The following COBL variants were observed in gnomAD, a reference collection of about 807,000 sequenced individuals.
COBL encodes cordon-bleu WH2 repeat protein, also known as protein cordon-bleu.
COBL carries 51 observed loss-of-function variants against 98.8 expected under a neutral mutation model. The ratio of observed to expected loss-of-function variants is 0.52; its 90% CI spans 0.41 to 0.65. COBL has a LOEUF of 0.65. COBL is among the 30% of genes least tolerant of loss of function. COBL has a pLI of 0.00. For synonymous variants in COBL, 634 were observed against 651.7 expected, an observed-to-expected ratio of 0.97 and a Z score of 0.41; for missense variants, 1,617 against 1,617.5, an observed-to-expected ratio of 1.00 and a Z score of 0.01.
rs547249168 is a variant in COBL, at chr7:51,088,133, G to A, written c.958-2829C>T. ...AGTTTCATGATGGCAAGTGCTGGGT[G>A]GGGCTCTTTTCATTCATTGTCTGGG... On this transcript the variant is annotated intron_variant, in intron 6 of 12. Coordinates refer to ENST00000265136, the MANE Select transcript of COBL (RefSeq NM_015198.5). Among the ~76,000 whole-genome samples, 5 of 152,176 alleles carry A rather than the reference G, an allele frequency of 3.3e-5. No homozygotes were observed. In the South Asian group the frequency reaches 6.2e-4, roughly 19 times the overall value.
intron 7 of COBL, 113 bp downstream of exon 7, chr7:51,085,053 T>C: frequency 6.9e-7 from 1 of 1,455,448 alleles, no homozygotes; most frequent in Non-Finnish European, 9.4e-7. Flanking sequence ...CATTAATATT[T>C]TTTGGGTTAA....
chr7:51,179,612 A>T (rs570070266), intron 5 of COBL, among the ~76,000 whole-genome samples: 1 of 152,182 alleles, frequency 6.6e-6, no homozygotes, highest in Non-Finnish European at 1.5e-5. Flanking sequence ...TCTTGACATA[A>T]ACAGTAAATT....
intron 6 of COBL, among the ~76,000 whole-genome samples, chr7:51,091,437 T>C (rs532685264): frequency 6.6e-6 from 1 of 151,894 alleles, no homozygotes; most frequent in South Asian, 2.1e-4. Context: ...GAAGAAGAAA[T>C]AATCAGTGAA....
chr7:51,253,971 A>C (rs891463176), intron 1 of COBL, among the ~76,000 whole-genome samples: 1 of 152,194 alleles, frequency 6.6e-6, no homozygotes, highest in African/African-American at 2.4e-5. Flanking sequence ...TGTAGTTCAA[A>C]ATCAAAATTA....
At chr7:51,121,317 T>C (rs932396539) in intron 6 of COBL, among the ~76,000 whole-genome samples, 3 of 152,254 alleles carry the variant, frequency 2.0e-5, no homozygotes, top group Admixed American at 2.0e-4. Flanking sequence ...TTGTATATTT[T>C]CTTTGGAGAA....
At chr7:51,253,030 C>T (rs1796870543) in intron 1 of COBL, among the ~76,000 whole-genome samples, 1 of 152,074 alleles carries the variant, frequency 6.6e-6, no homozygotes, top group African/African-American at 2.4e-5. Context: ...CGAGACCAGA[C>T]TGCTCAACAT....
At chr7:51,262,046 G>A (rs75016223) in intron 1 of COBL, among the ~76,000 whole-genome samples, 3,263 of 152,314 alleles carry the variant, frequency 0.021, 112 homozygotes, top group African/African-American at 0.074. Flanking sequence ...GAGGGGTTGG[G>A]ATGGAGCTGG....
At chr7:51,209,965 G>C (rs974760144) in intron 2 of COBL, among the ~76,000 whole-genome samples, 2 of 152,200 alleles carry the variant, frequency 1.3e-5, no homozygotes, top group African/African-American at 4.8e-5. Flanking sequence ...ACAGCCCGGG[G>C]CTCCACAGCT....
chr7:51,102,101 G>A (rs779178985), intron 6 of COBL, among the ~76,000 whole-genome samples: 1 of 152,158 alleles, frequency 6.6e-6, no homozygotes, highest in South Asian at 2.1e-4. Context: ...GTCTTCTGGC[G>A]CCATGATCGT....
chr7:51,234,382 A>G (rs1795038010), intron 1 of COBL, among the ~76,000 whole-genome samples: 1 of 152,216 alleles, frequency 6.6e-6, no homozygotes, highest in Non-Finnish European at 1.5e-5. Flanking sequence ...GGGCTCGCCC[A>G]CTTCCCAAAT....
At chr7:51,133,671 A>G (rs1798957637) in intron 6 of COBL, among the ~76,000 whole-genome samples, 1 of 152,212 alleles carries the variant, frequency 6.6e-6, no homozygotes, top group Non-Finnish European at 1.5e-5. Flanking sequence ...AAGTTTCCAC[A>G]TAATAAAAGC....
At chr7:51,314,817 C>A (rs991819543) in intron 1 of COBL, among the ~76,000 whole-genome samples, 2 of 152,080 alleles carry the variant, frequency 1.3e-5, no homozygotes, top group African/African-American at 4.8e-5. Context: ...AGCAAAAATC[C>A]TTAGTTTTAC....
chr7:51,027,576 A>G, intron 10 of COBL, 136 bp downstream of exon 10: 1 of 741,040 alleles, frequency 1.3e-6, no homozygotes, highest in Non-Finnish European at 2.2e-6. Context: ...TCTAGTTAAA[A>G]TGAAACCTGT....
chr7:51,264,199 A>T (rs1014126904), intron 1 of COBL, among the ~76,000 whole-genome samples: 1 of 152,162 alleles, frequency 6.6e-6, no homozygotes, highest in African/African-American at 2.4e-5. Flanking sequence ...GATGGGTGCA[A>T]AAGCCCATGT....
intron 5 of COBL, among the ~76,000 whole-genome samples, chr7:51,160,084 G>T (rs1315107441): frequency 6.6e-6 from 1 of 152,124 alleles, no homozygotes; most frequent in African/African-American, 2.4e-5. Context: ...TACAGATGGG[G>T]TTTTGCCATA....
At chr7:51,065,670 T>C (rs1583663244) in intron 7 of COBL, among the ~76,000 whole-genome samples, 1 of 152,234 alleles carries the variant, frequency 6.6e-6, no homozygotes, top group Middle Eastern at 3.4e-3. Context: ...CAACAGAAGC[T>C]CTCCAGCCTC....
intron 5 of COBL, among the ~76,000 whole-genome samples, chr7:51,168,175 T>C (rs915575697): frequency 3.9e-5 from 6 of 152,222 alleles, no homozygotes; most frequent in Non-Finnish European, 8.8e-5. Flanking sequence ...TGACAAGGGA[T>C]TAATAACCAG....
chr7:51,105,311 C>T lies in COBL; in HGVS notation c.958-20007G>A, dbSNP rs1315274633. On this transcript the variant is annotated intron_variant, in intron 6 of 12. Coordinates refer to ENST00000265136, the MANE Select transcript of COBL (RefSeq NM_015198.5). The stretch of plus-strand genomic sequence containing the variant: ...GTACCACCCTACAGAAAGACAAGGA[C>T]GCACAGGCTCTGCAGCAGCCTGCCT... 4.6e-5 allele frequency among the ~76,000 whole-genome samples: 7 copies of T among 152,324 alleles called. No individual in the cohort carries two copies. In the South Asian group the frequency reaches 1.0e-3, roughly 23 times the overall value.
chr7:51,150,902 T>C (rs140236823), intron 5 of COBL, among the ~76,000 whole-genome samples: 37 of 152,316 alleles, frequency 2.4e-4, no homozygotes, highest in African/African-American at 8.7e-4. Flanking sequence ...GCTTAAACTC[T>C]TTTCAGATGC....
Sources: gnomAD v4.1 joint callset for allele counts (sites outside exome capture counted in the v4.1 genomes callset) on GRCh38, gnomAD v4.1.1 for gene constraint, MANE v1.5 for transcripts, NCBI Gene and HGNC (gene_info 2026-07-23, HGNC 2026-07-21) for gene names.